The following CAMKK2 variants were observed in gnomAD, a reference collection of about 807,000 sequenced individuals.
CAMKK2 encodes calcium/calmodulin-dependent protein kinase kinase 2.
In CAMKK2, 30 loss-of-function variants were observed where a neutral mutation model predicts 67.2. The observed-to-expected ratio is 0.45, with a 90% CI of 0.33 to 0.61. The LOEUF (loss-of-function observed/expected upper bound fraction) is 0.61. Among genes scored for constraint, CAMKK2 ranks in the 20% least tolerant of loss-of-function variants. The probability of loss-of-function intolerance (pLI) is 0.02; values close to 1 mark genes in which losing one functional copy is unlikely to be tolerated. For missense variants in CAMKK2, 643 were observed against 802.0 expected, an observed-to-expected ratio of 0.80 and a Z score of 2.39; for synonymous variants, 322 against 326.2, an observed-to-expected ratio of 0.99 and a Z score of 0.14.
chr12:121,296,527 C>T lies in CAMKK2; in HGVS notation c.-60+111G>A, dbSNP rs992864942. ...TGGGAGCCCCAGGCCAGCCTCCGGGCTTTGTGTGCCATGCCGGCGGCGGTC... is the reference window on the plus strand; with the variant it reads ...TGGGAGCCCCAGGCCAGCCTCCGGGTTTTGTGTGCCATGCCGGCGGCGGTC... On this transcript the variant is annotated intron_variant, in intron 1 of 16. Transcript: ENST00000404169. The surrounding 1 kb of genome is among the most constrained non-coding windows in gnomAD (Gnocchi z 7.1). 1.2e-4 allele frequency: 19 copies of T among 152,062 alleles called. No homozygotes were observed. The highest frequency in any genetic ancestry group is 1.5e-5 in the Non-Finnish European group (1 of 67,982). The allele number at this position is 152,062 out of a possible 1,614,324, so 9.4% of individuals were successfully genotyped here.
At chr12:121,288,788 T>C (rs1198142893) in intron 1 of CAMKK2, among the ~76,000 whole-genome samples, 1 of 151,992 alleles carries the variant, frequency 6.6e-6, no homozygotes, top group Non-Finnish European at 1.5e-5. Flanking sequence ...GGGATTAGCA[T>C]TTTTATCTCT....
At position 121,263,016 on chromosome 12, in the gene CAMKK2, T is replaced by C. The variant is rs184885192; in HGVS notation, c.759+790A>G. ...AGAGTTTCACTCTTGTTGCCCAGGCTGGAATGCAATGGCGTGATCTCAGCT... is the reference window on the plus strand; with the variant it reads ...AGAGTTTCACTCTTGTTGCCCAGGCCGGAATGCAATGGCGTGATCTCAGCT... On this transcript the variant is annotated intron_variant, in intron 6 of 16. Transcript: ENST00000404169. 1.5e-3 allele frequency among the ~76,000 whole-genome samples: 231 copies of C among 152,280 alleles called. 1 individual carries two copies. Among genetic ancestry groups the C allele is most frequent in the African/African-American group, 4.9e-3 (203 of 41,552 alleles).
intron 2 of CAMKK2, among the ~76,000 whole-genome samples, chr12:121,271,149 C>A (rs1416047595): frequency 6.6e-6 from 1 of 151,712 alleles, no homozygotes; most frequent in Non-Finnish European, 1.5e-5. Context: ...GTGGTGGGCA[C>A]CTGTAATCCC....
intron 1 of CAMKK2, among the ~76,000 whole-genome samples, chr12:121,295,880 GA>G (rs1901055645): frequency 6.6e-6 from 1 of 152,222 alleles, no homozygotes; most frequent in Non-Finnish European, 1.5e-5. Flanking sequence ...GGGGCTGGGG[GA>G]AAGCCAGGAA....
chr12:121,269,044 CG>C (rs1895202985), intron 4 of CAMKK2, among the ~76,000 whole-genome samples: 1 of 148,364 alleles, frequency 6.7e-6, no homozygotes, highest in African/African-American at 2.5e-5. Context: ...GTTTTACACA[CG>C]GGGAAACTGA....
chr12:121,278,466 C>G (rs978748857), intron 1 of CAMKK2, among the ~76,000 whole-genome samples: 4 of 152,222 alleles, frequency 2.6e-5, no homozygotes, highest in African/African-American at 9.6e-5. Flanking sequence ...ACTCTGTGTC[C>G]TCTCCCAAAT....
chr12:121,262,967 A>G (rs1412320429), intron 6 of CAMKK2, among the ~76,000 whole-genome samples: 3 of 151,582 alleles, frequency 2.0e-5, no homozygotes, highest in Admixed American at 6.6e-5. Flanking sequence ...TGGGTCTTCA[A>G]AAAAAGTTTT....
intron 7 of CAMKK2, among the ~76,000 whole-genome samples, chr12:121,257,139 A>T (rs1216563985): frequency 2.0e-5 from 3 of 152,130 alleles, no homozygotes; most frequent in African/African-American, 7.2e-5. Context: ...ACCAGAGGGG[A>T]TACCCCATTT....
At position 121,257,541 on chromosome 12, in the gene CAMKK2, A is replaced by T. The variant is rs183167892; in HGVS notation, c.797-1737T>A. Among the ~76,000 whole-genome samples the T allele has an allele frequency of 5.3e-5, 8 of 152,172 alleles. No homozygotes were observed. In the East Asian group the frequency reaches 5.8e-4, roughly 11 times the overall value. ...GGGGTTACAGGCAAAAAAATTTTTTAAAAATGAAACCAAAGGGTTGTTTCA... is the reference window on the plus strand; with the variant it reads ...GGGGTTACAGGCAAAAAAATTTTTTTAAAATGAAACCAAAGGGTTGTTTCA... On this transcript the variant is annotated intron_variant, in intron 7 of 16. Transcript: ENST00000404169.
Position 121,285,225 on chromosome 12 carries a change from G to A in CAMKK2, c.-59-10640C>T, listed in dbSNP as rs986321505. ...GTAACTCAAGAATAGATATGAGGCC[G>A]GGCGCAGTGGTTCACGCCTGTAATC... On this transcript the variant is annotated intron_variant, in intron 1 of 16. Transcript: ENST00000404169. The surrounding 1 kb of genome is among the most constrained non-coding windows in gnomAD (Gnocchi z 4.1). Among the ~76,000 whole-genome samples, 9 of 152,178 alleles carry A rather than the reference G, an allele frequency of 5.9e-5. No individual in the cohort carries two copies. Among genetic ancestry groups the A allele is most frequent in the Admixed American group, 3.3e-4 (5 of 15,272 alleles).
chr12:121,242,057 C>T (rs1888480228), intron 16 of CAMKK2, among the ~76,000 whole-genome samples: 1 of 152,158 alleles, frequency 6.6e-6, no homozygotes, highest in African/African-American at 2.4e-5. Flanking sequence ...GAAGGCCGGG[C>T]ACAGTGGCTC....
chr12:121,280,973 G>A (rs1897669443), intron 1 of CAMKK2, among the ~76,000 whole-genome samples: 1 of 152,160 alleles, frequency 6.6e-6, no homozygotes, highest in African/African-American at 2.4e-5. Context: ...CTTGATGTCT[G>A]TCACCCACAC....
At chr12:121,283,026 A>G (rs1898087583) in intron 1 of CAMKK2, among the ~76,000 whole-genome samples, 1 of 152,170 alleles carries the variant, frequency 6.6e-6, no homozygotes, top group South Asian at 2.1e-4. Flanking sequence ...AAGTGCTGAG[A>G]TTACAGGCAT....
At chr12:121,249,899 G>A in intron 12 of CAMKK2, 25 bp from the exon 13 acceptor site, 1 of 1,612,554 alleles carries the variant, frequency 6.2e-7, no homozygotes, top group Non-Finnish European at 8.5e-7. Context: ...GCGTCAGGGT[G>A]GCAGACACGG....
intron 1 of CAMKK2, among the ~76,000 whole-genome samples, chr12:121,280,721 CCA>C (rs2136518534): frequency 6.6e-6 from 1 of 152,256 alleles, no homozygotes; most frequent in East Asian, 1.9e-4. Flanking sequence ...GAGATAGACT[CCA>C]GTCTCCCATA....
At position 121,253,159 on chromosome 12, in the gene CAMKK2, T is replaced by C; in HGVS notation, c.1107+114A>G. 1.1e-6 allele frequency: 1 copy of C among 885,576 alleles called. No homozygotes were observed. Among genetic ancestry groups the C allele is most frequent in the Non-Finnish European group, 1.8e-6 (1 of 554,548 alleles). 54.9% of individuals were successfully genotyped at this position (885,576 alleles called of 1,614,324 possible). A position where few individuals can be genotyped will look rare whatever the true frequency, so the allele number is the denominator to read the frequency against. On this transcript the variant is annotated intron_variant, in intron 10 of 16. Coordinates refer to ENST00000404169, the MANE Select transcript of CAMKK2 (RefSeq NM_001270485.2). The surrounding 1 kb of genome is among the most constrained non-coding windows in gnomAD (Gnocchi z 5.0). The stretch of plus-strand genomic sequence containing the variant: ...CAAGCCTGAAGCCTACCCCTCAGTA[T>C]CTTGATCCAGGGGATTCACTGTTTA...
intron 11 of CAMKK2, among the ~76,000 whole-genome samples, chr12:121,251,233 T>C (rs1457496898): frequency 6.6e-6 from 1 of 152,124 alleles, no homozygotes; most frequent in Non-Finnish European, 1.5e-5. Context: ...TACTCTGAAA[T>C]ACATTAAGAA....
chr12:121,287,571 C>T (rs1206028422), intron 1 of CAMKK2, among the ~76,000 whole-genome samples: 1 of 152,206 alleles, frequency 6.6e-6, no homozygotes, highest in African/African-American at 2.4e-5. Context: ...TGTCTTGCTG[C>T]TTGCCAGGGC....
Position 121,240,432 on chromosome 12 carries a change from G to A in CAMKK2, c.*267C>T. On this transcript the variant is annotated 3_prime_UTR_variant, in exon 17 of 17. Coordinates refer to ENST00000404169, the MANE Select transcript of CAMKK2 (RefSeq NM_001270485.2). This position sits in a 1 kb window ranked among gnomAD's most constrained non-coding sequence, Gnocchi z 4.4. The stretch of plus-strand genomic sequence containing the variant: ...CATAAAAACGTTTTAAAAAGCAATT[G>A]TCCCAAAATGCACGTGGGTTTGGGT... 1 of 1,517,470 alleles carries A rather than the reference G, an allele frequency of 6.6e-7. No homozygotes were observed. Among genetic ancestry groups the A allele is most frequent in the Non-Finnish European group, 8.8e-7 (1 of 1,141,782 alleles). 94.0% of individuals were successfully genotyped at this position (1,517,470 alleles called of 1,614,324 possible).
Sources: allele counts gnomAD v4.1 joint callset (sites outside exome capture counted in the v4.1 genomes callset), GRCh38; gene constraint gnomAD v4.1.1; non-coding constraint Gnocchi (gnomAD v3.1); transcripts MANE v1.5; gene names NCBI Gene and HGNC (gene_info 2026-07-23, HGNC 2026-07-21).